Variants in GRID2 observed in about 807,000 individuals in gnomAD.
The protein encoded by GRID2 is glutamate ionotropic receptor delta type subunit 2.
GRID2 carries 33 observed loss-of-function variants against 114.8 expected under a neutral mutation model. The ratio of observed to expected loss-of-function variants is 0.29; its 90% CI spans 0.22 to 0.38. The LOEUF is 0.38. Among genes scored for constraint, GRID2 ranks in the 10% least tolerant of loss-of-function variants. The pLI is 1.00. For synonymous variants in GRID2, 505 were observed against 449.9 expected, an observed-to-expected ratio of 1.12 and a Z score of -1.55; for missense variants, 1,184 against 1,257.7, an observed-to-expected ratio of 0.94 and a Z score of 0.89.
intron 4 of GRID2, among the ~76,000 whole-genome samples, chr4:93,145,865 T>TAC (rs10605314): frequency 0.041 from 6,096 of 147,926 alleles, 122 homozygotes; most frequent in South Asian, 0.073. Flanking sequence ...CACACACACA[T>TAC]ACACACACAC....
intron 1 of GRID2, among the ~76,000 whole-genome samples, chr4:93,801,612 C>T (rs973963601): frequency 2.6e-5 from 4 of 152,144 alleles, no homozygotes; most frequent in African/African-American, 9.7e-5. Flanking sequence ...ATAGCGCCTT[C>T]TAACAGTAGT....
intron 13 of GRID2, among the ~76,000 whole-genome samples, chr4:93,523,164 A>T (rs1730503996): frequency 6.6e-6 from 1 of 152,156 alleles, no homozygotes; most frequent in African/African-American, 2.4e-5. Flanking sequence ...CAGTGGTATG[A>T]GTGTTGTAGC....
intron 3 of GRID2, among the ~76,000 whole-genome samples, chr4:93,100,371 A>T (rs1731593373): frequency 6.6e-6 from 1 of 151,968 alleles, no homozygotes; most frequent in Non-Finnish European, 1.5e-5. Flanking sequence ...TACAAAGTAA[A>T]AATGCAGCAC....
intron 2 of GRID2, among the ~76,000 whole-genome samples, chr4:92,883,083 C>T (rs145906896): frequency 1.6e-4 from 24 of 152,284 alleles, no homozygotes; most frequent in African/African-American, 5.1e-4. Flanking sequence ...GTTGAACTTC[C>T]GTAATTACAG....
At chr4:92,495,819 T>C (rs2149118142) in intron 1 of GRID2, among the ~76,000 whole-genome samples, 1 of 152,022 alleles carries the variant, frequency 6.6e-6, no homozygotes, top group East Asian at 1.9e-4. Flanking sequence ...ATAGGTGAGT[T>C]GTGGAGAGGA....
intron 2 of GRID2, among the ~76,000 whole-genome samples, chr4:92,624,796 A>T (rs1730443327): frequency 6.6e-6 from 1 of 151,840 alleles, no homozygotes; most frequent in African/African-American, 2.4e-5. Flanking sequence ...ATTTATACAT[A>T]CAGAAACCTA....
At chr4:92,840,096 G>C (rs1742771746) in intron 2 of GRID2, among the ~76,000 whole-genome samples, 1 of 151,808 alleles carries the variant, frequency 6.6e-6, no homozygotes, top group East Asian at 1.9e-4. Context: ...TCTTCTTATA[G>C]GTTTTGTCTT....
chr4:93,418,702 AT>A (rs1326276753), intron 9 of GRID2, among the ~76,000 whole-genome samples: 2 of 152,040 alleles, frequency 1.3e-5, no homozygotes, highest in African/African-American at 4.8e-5. Context: ...CTAATCTAAT[AT>A]TTCTTTTCAC....
intron 1 of GRID2, among the ~76,000 whole-genome samples, chr4:93,780,289 C>T (rs1026491472): frequency 1.3e-5 from 2 of 152,144 alleles, no homozygotes; most frequent in Non-Finnish European, 2.9e-5. Context: ...CTGGGGAAAA[C>T]GCATTCCAGT....
chr4:93,325,929 C>T (rs972225030), intron 8 of GRID2, among the ~76,000 whole-genome samples: 1 of 152,036 alleles, frequency 6.6e-6, no homozygotes, highest in Non-Finnish European at 1.5e-5. Context: ...GAAGTGAGTT[C>T]TCAAGAGATA....
At chr4:93,399,053 T>C (rs1765634123) in intron 9 of GRID2, among the ~76,000 whole-genome samples, 1 of 151,886 alleles carries the variant, frequency 6.6e-6, no homozygotes, top group Non-Finnish European at 1.5e-5. Flanking sequence ...ATCTTGAGGC[T>C]TTACCTCACT....
At position 93,762,890 on chromosome 4, in the gene GRID2, A is replaced by G. The variant is rs75275922; in HGVS notation, c.2361-6320A>G. ...AATAACAAGGTGAGGTCATCATACC[A>G]TCTGGAGGGCTACAGAATCATCAGG... On this transcript the variant is annotated intron_variant, in intron 14 of 15. Coordinates refer to ENST00000282020, the MANE Select transcript of GRID2 (RefSeq NM_001510.4). 7.1e-3 allele frequency among the ~76,000 whole-genome samples: 1,074 copies of G among 152,202 alleles called. 15 individuals carry two copies. Among genetic ancestry groups the G allele is most frequent in the African/African-American group, 0.025 (1,025 of 41,526 alleles).
At chr4:92,742,044 ATT>A (rs1224992509) in intron 2 of GRID2, among the ~76,000 whole-genome samples, 1 of 152,188 alleles carries the variant, frequency 6.6e-6, no homozygotes, top group Non-Finnish European at 1.5e-5. Context: ...AAGAAATGTC[ATT>A]CTTTTTTAAA....
chr4:93,683,230 C>G (rs1295242982), intron 14 of GRID2, among the ~76,000 whole-genome samples: 1 of 151,964 alleles, frequency 6.6e-6, no homozygotes, highest in Non-Finnish European at 1.5e-5. Flanking sequence ...TAAACTATAA[C>G]CCTGCTCAGA....
intron 4 of GRID2, among the ~76,000 whole-genome samples, chr4:93,125,940 G>A (rs1011882506): frequency 3.9e-5 from 6 of 152,178 alleles, no homozygotes; most frequent in African/African-American, 7.2e-5. Context: ...TGATTGCTGA[G>A]TGGCTGTTTT....
rs1186215701 is a variant in GRID2 at position 92,471,926 on chromosome 4, CTTTTT to C, written c.89-118184_89-118180del. Among the ~76,000 whole-genome samples the C allele has an allele frequency of 1.6e-4, 9 of 57,344 alleles. No individual in the cohort carries two copies. In the East Asian group the frequency reaches 3.5e-3, roughly 22 times the overall value. The allele number at this position is 57,344 out of a possible 152,430, so 37.6% of individuals were successfully genotyped here. On this transcript the variant is annotated intron_variant, in intron 1 of 15. Coordinates refer to ENST00000282020, the MANE Select transcript of GRID2 (RefSeq NM_001510.4). ...CTTATTTGGGGATTTATCCATATTTCTTTTTTTTTTTTTTTTTTTTTTTTTGAGAC... is the reference window on the plus strand; with the variant it reads ...CTTATTTGGGGATTTATCCATATTTCTTTTTTTTTTTTTTTTTTTTGAGAC...
At chr4:93,232,080 A>C (rs1459890771) in intron 7 of GRID2, among the ~76,000 whole-genome samples, 1 of 152,180 alleles carries the variant, frequency 6.6e-6, no homozygotes, top group Non-Finnish European at 1.5e-5. Flanking sequence ...TGATTACCAG[A>C]GTGCAGAGAA....
intron 1 of GRID2, among the ~76,000 whole-genome samples, chr4:92,362,385 C>T (rs1320094703): frequency 1.3e-5 from 2 of 151,826 alleles, no homozygotes; most frequent in African/African-American, 2.4e-5. Flanking sequence ...AATAATGAAA[C>T]ATTTTTGTCT....
chr4:93,061,035 G>A (rs1389660928), intron 2 of GRID2, among the ~76,000 whole-genome samples: 5 of 151,700 alleles, frequency 3.3e-5, no homozygotes, highest in South Asian at 2.1e-4. Flanking sequence ...CCTGAGAGGC[G>A]GACGTTGCAG....
Sources: allele counts gnomAD v4.1 joint callset (sites outside exome capture counted in the v4.1 genomes callset), GRCh38; gene constraint gnomAD v4.1.1; transcripts MANE v1.5; gene names NCBI Gene and HGNC (gene_info 2026-07-23, HGNC 2026-07-21).